RNF182: variants seen among roughly 807,000 people sequenced by gnomAD.
RNF182 encodes the protein ring finger protein 182.
In RNF182, 15 loss-of-function variants were observed where a neutral mutation model predicts 14.4. The observed-to-expected ratio is 1.04, with a 90% CI of 0.70 to 1.60. The LOEUF (loss-of-function observed/expected upper bound fraction) is 1.60. Ranked by LOEUF, RNF182 falls within the 40% of genes most tolerant of loss-of-function variation. The pLI is 0.00. For missense variants in RNF182, 268 were observed against 294.8 expected, an observed-to-expected ratio of 0.91 and a Z score of 0.67; for synonymous variants, 128 against 122.9, an observed-to-expected ratio of 1.04 and a Z score of -0.27.
At chr6:13,952,241 A>C (rs1301983102) in intron 1 of RNF182, among the ~76,000 whole-genome samples, 1 of 152,168 alleles carries the variant, frequency 6.6e-6, no homozygotes, top group African/African-American at 2.4e-5. Context: ...GCTGCTTGTC[A>C]GTTGTGAAGA....
chr6:13,968,303 A>G (rs1361999959), intron 1 of RNF182, among the ~76,000 whole-genome samples: 3 of 152,204 alleles, frequency 2.0e-5, no homozygotes, highest in Non-Finnish European at 4.4e-5. Context: ...ACAGCAATGA[A>G]TTTGAAAACC....
chr6:13,951,360 T>C (rs1239815325), intron 1 of RNF182, among the ~76,000 whole-genome samples: 2 of 152,182 alleles, frequency 1.3e-5, no homozygotes, highest in South Asian at 4.1e-4. Context: ...AAGAGCCCCA[T>C]TTTTATACTG....
At chr6:13,931,761 T>C (rs545564023) in intron 1 of RNF182, among the ~76,000 whole-genome samples, 22 of 152,146 alleles carry the variant, frequency 1.4e-4, no homozygotes, top group Non-Finnish European at 2.8e-4. Flanking sequence ...TTAATCTCTC[T>C]GTGCCTTCAT....
intron 1 of RNF182, among the ~76,000 whole-genome samples, chr6:13,942,697 T>A (rs549199903): frequency 3.3e-5 from 5 of 152,316 alleles, no homozygotes; most frequent in South Asian, 4.1e-4. Flanking sequence ...TCTGGTCTGA[T>A]CACTTTCCTC....
intron 1 of RNF182, among the ~76,000 whole-genome samples, chr6:13,925,853 C>T (rs1488258987): frequency 6.6e-6 from 1 of 152,154 alleles, no homozygotes; most frequent in African/African-American, 2.4e-5. Context: ...ATGCGGTTGC[C>T]ACTGGGGCAC....
chr6:13,952,901 A>G (rs1312258241), intron 1 of RNF182, among the ~76,000 whole-genome samples: 3 of 152,182 alleles, frequency 2.0e-5, no homozygotes, highest in Non-Finnish European at 4.4e-5. Context: ...TCGTAGGGAG[A>G]TGTGCTCTAC....
chr6:13,950,310 C>G (rs1317844756), intron 1 of RNF182, among the ~76,000 whole-genome samples: 1 of 152,082 alleles, frequency 6.6e-6, no homozygotes, highest in Non-Finnish European at 1.5e-5. Flanking sequence ...CCATACATCT[C>G]AAGGCCTTAC....
intron 1 of RNF182, among the ~76,000 whole-genome samples, chr6:13,964,107 T>C (rs1420069437): frequency 1.3e-5 from 2 of 151,832 alleles, no homozygotes; most frequent in Non-Finnish European, 2.9e-5. Flanking sequence ...AGAATCATTA[T>C]CTAACTAGTA....
intron 1 of RNF182, among the ~76,000 whole-genome samples, chr6:13,945,679 A>T (rs1759421524): frequency 6.6e-6 from 1 of 152,242 alleles, no homozygotes; most frequent in South Asian, 2.1e-4. Flanking sequence ...CTATTAGTTT[A>T]TGCTATTTTT....
chr6:13,934,066 A>G (rs895168961), intron 1 of RNF182, among the ~76,000 whole-genome samples: 5 of 152,194 alleles, frequency 3.3e-5, no homozygotes, highest in Non-Finnish European at 5.9e-5. Context: ...TTACCAAAAA[A>G]GTAATGTTGT....
At chr6:13,942,778 T>C (rs1398487782) in intron 1 of RNF182, among the ~76,000 whole-genome samples, 1 of 152,238 alleles carries the variant, frequency 6.6e-6, no homozygotes, top group African/African-American at 2.4e-5. Context: ...TAAACTCTTT[T>C]TCCTATTTTC....
Position 13,977,776 on chromosome 6 carries a change from C to G in RNF182, c.657C>G (p.Val219=), listed in dbSNP as rs1318247407. The stretch of plus-strand genomic sequence containing the variant: ...TTGGGGTCGTCTTTGTCAGCCTGGT[C>G]CCTTCGAGCCTCGTTATTCTTATGG... ...VTLGVVFVSL[V]PSSLVILMVY... is the part of the protein sequence containing the mutation. The change falls in exon 3 of 3, where the codon GTC becomes GTG. Residue 219 remains valine, a synonymous_variant. Coordinates refer to ENST00000488300, the MANE Select transcript of RNF182 (RefSeq NM_152737.4). 1.2e-6 allele frequency: 2 copies of G among 1,614,092 alleles called. No individual in the cohort carries two copies. Among genetic ancestry groups the G allele is most frequent in the Non-Finnish European group, 8.5e-7 (1 of 1,180,004 alleles).
intron 1 of RNF182, among the ~76,000 whole-genome samples, chr6:13,962,291 G>A (rs1206910964): frequency 1.3e-5 from 2 of 152,164 alleles, no homozygotes; most frequent in Non-Finnish European, 2.9e-5. Context: ...AATGAGGTTA[G>A]GAACATCGGG....
chr6:13,925,521 T>TTC (rs1486131841), intron 1 of RNF182, among the ~76,000 whole-genome samples: 2 of 152,134 alleles, frequency 1.3e-5, no homozygotes, highest in Non-Finnish European at 2.9e-5. Flanking sequence ...TTGAGGAGGC[T>TTC]TCTGAAGTTC....
At chr6:13,958,375 A>G (rs1348696842) in intron 1 of RNF182, among the ~76,000 whole-genome samples, 1 of 151,950 alleles carries the variant, frequency 6.6e-6, no homozygotes, top group African/African-American at 2.4e-5. Flanking sequence ...ACAGAGCAAG[A>G]CTCCATCTCA....
intron 1 of RNF182, among the ~76,000 whole-genome samples, chr6:13,961,042 T>C (rs1043807869): frequency 3.9e-5 from 6 of 152,202 alleles, no homozygotes; most frequent in South Asian, 2.1e-4. Context: ...CCTAGACTTA[T>C]GAGCTTTATA....
At chr6:13,954,148 A>G (rs1040558620) in intron 1 of RNF182, among the ~76,000 whole-genome samples, 1 of 152,112 alleles carries the variant, frequency 6.6e-6, no homozygotes, top group Non-Finnish European at 1.5e-5. Flanking sequence ...CCCCCTCCCC[A>G]TTGGATTATT....
At chr6:13,929,600 T>A (rs1758915308) in intron 1 of RNF182, among the ~76,000 whole-genome samples, 2 of 152,228 alleles carry the variant, frequency 1.3e-5, no homozygotes, top group South Asian at 4.1e-4. Context: ...GCCAGACACT[T>A]TTCTAAGCAC....
At chr6:13,931,673 C>T (rs926776486) in intron 1 of RNF182, among the ~76,000 whole-genome samples, 9 of 151,326 alleles carry the variant, frequency 5.9e-5, no homozygotes, top group African/African-American at 1.7e-4. Flanking sequence ...ATGTTCAAGG[C>T]CAGTATGAGA....
Sources: allele counts gnomAD v4.1 joint callset (sites outside exome capture counted in the v4.1 genomes callset), GRCh38; gene constraint gnomAD v4.1.1; transcripts MANE v1.5; gene names NCBI Gene and HGNC (gene_info 2026-07-23, HGNC 2026-07-21).